The following CDKAL1 variants were observed in gnomAD, a reference collection of about 807,000 sequenced individuals.
CDKAL1 encodes CDKAL1 threonylcarbamoyladenosine tRNA methylthiotransferase.
CDKAL1 carries 32 observed loss-of-function variants against 68.2 expected under a neutral mutation model. The ratio of observed to expected loss-of-function variants is 0.47; its 90% confidence interval spans 0.35 to 0.63. CDKAL1 has a LOEUF of 0.63. CDKAL1 is among the 30% of genes least tolerant of loss of function. The pLI, the probability that CDKAL1 is intolerant of heterozygous loss-of-function variation, is 0.00. For missense variants in CDKAL1, 606 were observed against 696.7 expected (o/e 0.87, Z 1.47); for synonymous variants, 234 against 244.3 (o/e 0.96, Z 0.39).
intron 2 of CDKAL1, among the ~76,000 whole-genome samples, chr6:20,537,128 TG>T (rs1763206387): frequency 6.6e-6 from 1 of 152,122 alleles, no homozygotes; most frequent in African/African-American, 2.4e-5. Context: ...CAAGCTTAGT[TG>T]GGAATTTTCA....
At chr6:21,190,259 T>C (rs973362547) in intron 13 of CDKAL1, among the ~76,000 whole-genome samples, 8 of 152,200 alleles carry the variant, frequency 5.3e-5, no homozygotes, top group African/African-American at 1.9e-4. Flanking sequence ...AAAACTTAGC[T>C]GCAGAAATAG....
In CDKAL1 at chr6:20,757,804, A is replaced by G. The variant is rs570434769; in HGVS notation, c.469-791A>G. The stretch of plus-strand genomic sequence containing the variant: ...TTCTGTAATAAAACAACGGTAATTT[A>G]AGGACTTTTAAAGAAGAATCGACTT... On this transcript the variant is annotated intron_variant, in intron 6 of 15. Coordinates refer to ENST00000274695, the MANE Select transcript of CDKAL1 (RefSeq NM_017774.3). 4.6e-5 allele frequency among the ~76,000 whole-genome samples: 7 copies of G among 152,332 alleles called. No individual in the cohort carries two copies. The South Asian group carries it at 1.4e-3, about 32-fold the overall frequency.
intron 8 of CDKAL1, among the ~76,000 whole-genome samples, chr6:20,788,652 A>AAATTT (rs1775772330): frequency 6.6e-6 from 1 of 152,218 alleles, no homozygotes; most frequent in African/African-American, 2.4e-5. Context: ...CTGAATGTAT[A>AAATTT]GCTTAGCACA....
intron 10 of CDKAL1, among the ~76,000 whole-genome samples, chr6:20,966,994 G>A (rs1765353020): frequency 6.6e-6 from 1 of 152,274 alleles, no homozygotes; most frequent in South Asian, 2.1e-4. Context: ...TGGGAACTCT[G>A]AGAGAGAATT....
At chr6:21,208,477 AG>A (rs1418993065) in intron 15 of CDKAL1, among the ~76,000 whole-genome samples, 1 of 152,218 alleles carries the variant, frequency 6.6e-6, no homozygotes, top group Non-Finnish European at 1.5e-5. Flanking sequence ...TTAATAATTA[AG>A]TTAAAACACT....
chr6:20,581,345 A>G (rs2127689340), intron 4 of CDKAL1, among the ~76,000 whole-genome samples: 1 of 152,312 alleles, frequency 6.6e-6, no homozygotes, highest in African/African-American at 2.4e-5. Flanking sequence ...TGCAATATAC[A>G]CTTAGAGTGT....
intron 10 of CDKAL1, among the ~76,000 whole-genome samples, chr6:20,999,711 G>GT (rs150798875): frequency 7.0e-6 from 1 of 143,396 alleles, no homozygotes; most frequent in Non-Finnish European, 1.5e-5. Context: ...GAGTTGTAGA[G>GT]TTTTTTTCCT....
intron 10 of CDKAL1, among the ~76,000 whole-genome samples, chr6:20,957,362 T>G (rs1764829541): frequency 6.6e-6 from 1 of 152,172 alleles, no homozygotes; most frequent in African/African-American, 2.4e-5. Flanking sequence ...GCTAATACTG[T>G]GTGTATAGCA....
chr6:21,016,612 T>TCATCCATCCATCCATC (rs3061573), intron 11 of CDKAL1, among the ~76,000 whole-genome samples: 28 of 144,110 alleles, frequency 1.9e-4, no homozygotes, highest in African/African-American at 2.9e-4. Context: ...CGCCTTCCAT[T>TCATCCATCCATCCATC]CATCCATCCA....
At chr6:21,196,861 A>G (rs1363521737) in intron 13 of CDKAL1, among the ~76,000 whole-genome samples, 1 of 152,174 alleles carries the variant, frequency 6.6e-6, no homozygotes, top group Non-Finnish European at 1.5e-5. Flanking sequence ...ACAACCTTGT[A>G]AAAAGAGTAA....
chr6:20,898,760 T>C (rs1050776022), intron 9 of CDKAL1, among the ~76,000 whole-genome samples: 1 of 152,144 alleles, frequency 6.6e-6, no homozygotes, highest in Non-Finnish European at 1.5e-5. Context: ...AACTTTTTTA[T>C]TTTTACATAT....
intron 15 of CDKAL1, among the ~76,000 whole-genome samples, chr6:21,205,137 CT>C (rs1177572556): frequency 1.3e-5 from 2 of 152,180 alleles, no homozygotes; most frequent in Admixed American, 6.5e-5. Flanking sequence ...AATTTTCCTC[CT>C]TTTCAAGGCT....
chr6:20,668,737 C>T (rs1348773564), intron 5 of CDKAL1, among the ~76,000 whole-genome samples: 2 of 152,106 alleles, frequency 1.3e-5, no homozygotes, highest in African/African-American at 2.4e-5. Flanking sequence ...GTCTTTTTTC[C>T]AGTTCAGGAT....
chr6:20,717,365 AGGAT>A (rs1772148152), intron 5 of CDKAL1, among the ~76,000 whole-genome samples: 1 of 151,800 alleles, frequency 6.6e-6, no homozygotes, highest in Admixed American at 6.6e-5. Context: ...AGAAGGGAAA[AGGAT>A]AATTTACAGG....
intron 9 of CDKAL1, among the ~76,000 whole-genome samples, chr6:20,857,546 T>C (rs1195613891): frequency 1.3e-5 from 2 of 152,242 alleles, no homozygotes; most frequent in Non-Finnish European, 2.9e-5. Context: ...TATTGAGGTA[T>C]ATGTTTGAAA....
chr6:20,610,371 G>A (rs1273105703), intron 4 of CDKAL1, among the ~76,000 whole-genome samples: 1 of 152,160 alleles, frequency 6.6e-6, no homozygotes, highest in Non-Finnish European at 1.5e-5. Flanking sequence ...TTCCATAGTG[G>A]CTGAACTAAT....
At chr6:20,923,099 T>G (rs1763030133) in intron 9 of CDKAL1, among the ~76,000 whole-genome samples, 1 of 152,128 alleles carries the variant, frequency 6.6e-6, no homozygotes, top group Non-Finnish European at 1.5e-5. Context: ...CTTTTTTTCT[T>G]TGGTAGAAAC....
At chr6:20,602,580 A>G (rs1465430673) in intron 4 of CDKAL1, among the ~76,000 whole-genome samples, 5 of 152,194 alleles carry the variant, frequency 3.3e-5, no homozygotes, top group African/African-American at 1.2e-4. Flanking sequence ...TGAAAATGGC[A>G]TAATTATAGT....
chr6:21,223,002 G>A (rs181815063), intron 15 of CDKAL1, among the ~76,000 whole-genome samples: 10 of 152,170 alleles, frequency 6.6e-5, no homozygotes, highest in South Asian at 4.2e-4. Context: ...TTACAAATTC[G>A]CAACGTGGCT....
Sources: gnomAD v4.1 joint callset for allele counts (sites outside exome capture counted in the v4.1 genomes callset) on GRCh38, gnomAD v4.1.1 for gene constraint, MANE v1.5 for transcripts, NCBI Gene and HGNC (gene_info 2026-07-23, HGNC 2026-07-21) for gene names.